Variants in UGT1A10 observed in about 807,000 individuals in gnomAD.
UGT1A10 encodes the protein UDP-glucuronosyltransferase 1A10.
In UGT1A10, 49 loss-of-function variants were observed where a neutral mutation model predicts 45.8. That is an observed-to-expected ratio of 1.07 (90% CI 0.85 to 1.36). UGT1A10 has a LOEUF of 1.36. Among genes scored for constraint, UGT1A10 ranks in the 40% most tolerant of loss-of-function variants. UGT1A10 has a pLI of 0.00. For synonymous variants in UGT1A10, 284 were observed against 249.7 expected, an observed-to-expected ratio of 1.14 and a Z score of -1.29; for missense variants, 745 against 668.6, an observed-to-expected ratio of 1.11 and a Z score of -1.26.
chr2:233,667,219 A>C (rs900491851), intron 1 of UGT1A10, among the ~76,000 whole-genome samples: 11 of 152,180 alleles, frequency 7.2e-5, no homozygotes, highest in South Asian at 2.1e-4. Flanking sequence ...CCTGAGGAAT[A>C]GCCACACTGA....
chr2:233,712,949 A>C, intron 1 of UGT1A10: 1 of 1,612,750 alleles, frequency 6.2e-7, no homozygotes. Flanking sequence ...TCTAGGAGGC[A>C]CAACGTGGGG....
At chr2:233,738,082 A>T (rs1218405907) in intron 1 of UGT1A10, among the ~76,000 whole-genome samples, 1 of 152,110 alleles carries the variant, frequency 6.6e-6, no homozygotes, top group South Asian at 2.1e-4. Context: ...TCCTAATCTC[A>T]TCATAGTGAG....
intron 1 of UGT1A10, chr2:233,742,016 C>T (rs115965783): frequency 0.01 from 1,533 of 152,008 alleles, 58 homozygotes; most frequent in African/African-American, 0.035. Context: ...CTTTCATCAA[C>T]CTAATTTGAT....
chr2:233,743,981 G>T, intron 1 of UGT1A10: 1 of 1,297,886 alleles, frequency 7.7e-7, no homozygotes, highest in Non-Finnish European at 1.0e-6. Flanking sequence ...CAGCACCCAG[G>T]CGCAGGCCCG....
At chr2:233,756,127 T>C (rs1396656487) in intron 1 of UGT1A10, 2 of 152,258 alleles carry the variant, frequency 1.3e-5, no homozygotes, top group African/African-American at 4.8e-5. Context: ...TGTAAAATTC[T>C]CCTGAAAAAT....
In UGT1A10 at chr2:233,672,434, T is replaced by C. The variant is rs151238339; in HGVS notation, c.855+35057T>C. 9.3e-4 allele frequency: 1,499 copies of C among 1,613,976 alleles called. 4 individuals are homozygous for C. The highest frequency in any genetic ancestry group is 1.7e-3 in the Admixed American group (105 of 60,004). ...AAATATTTCTCCCTCCCCTCCGTGG[T>C]CTTCGCCAGGGGAATACTTTGCCAC... is the stretch of plus-strand genomic sequence containing the variant. On this transcript the variant is annotated intron_variant, in intron 1 of 4. Coordinates refer to ENST00000344644, the MANE Select transcript of UGT1A10 (RefSeq NM_019075.4).
intron 1 of UGT1A10, among the ~76,000 whole-genome samples, chr2:233,677,697 T>C (rs906644771): frequency 2.6e-5 from 4 of 151,748 alleles, no homozygotes; most frequent in Non-Finnish European, 4.4e-5. Context: ...GTGAGGCTGC[T>C]GAGAAAAGGG....
intron 1 of UGT1A10, chr2:233,742,993 T>G: frequency 4.3e-6 from 1 of 231,186 alleles, no homozygotes; most frequent in Admixed American, 5.2e-5. Flanking sequence ...AATAGCAAAT[T>G]GCATACAGAT....
Position 233,760,634 on chromosome 2 carries a change from T to TA in UGT1A10, c.856-6394dup, listed in dbSNP as rs748219743. On this transcript the variant is annotated intron_variant, in intron 1 of 4. Coordinates refer to ENST00000344644, the MANE Select transcript of UGT1A10 (RefSeq NM_019075.4). ...CGTGTGATCAAAACATACAAGAAAA[T>TA]AAAAAAGGACTCTGCTATGCTTTTG... 6.2e-6 allele frequency: 10 copies of TA among 1,614,070 alleles called. No homozygotes were observed. In the South Asian group the frequency reaches 8.8e-5, roughly 14 times the overall value.
chr2:233,690,610 G>T, intron 1 of UGT1A10: 1 of 1,289,080 alleles, frequency 7.8e-7, no homozygotes, highest in Non-Finnish European at 1.0e-6. Context: ...ATCGGCCTTT[G>T]CCTGGACACT....
intron 1 of UGT1A10, among the ~76,000 whole-genome samples, chr2:233,701,633 T>G (rs926764680): frequency 3.9e-5 from 6 of 152,216 alleles, no homozygotes; most frequent in Non-Finnish European, 5.9e-5. Context: ...ACAGAAATTA[T>G]AGCAAACTGT....
chr2:233,654,062 C>A (rs186023679), intron 1 of UGT1A10, among the ~76,000 whole-genome samples: 1 of 152,238 alleles, frequency 6.6e-6, no homozygotes, highest in East Asian at 1.9e-4. Flanking sequence ...TTAGAATTCT[C>A]CATAAGTCTA....
At chr2:233,667,875 G>A (rs903359925) in intron 1 of UGT1A10, among the ~76,000 whole-genome samples, 6 of 152,156 alleles carry the variant, frequency 3.9e-5, no homozygotes, top group Non-Finnish European at 5.9e-5. Flanking sequence ...TAAAAAGTCA[G>A]GAAACAACAG....
At chr2:233,682,564 C>A (rs780627101) in intron 1 of UGT1A10, 1 of 1,613,938 alleles carries the variant, frequency 6.2e-7, no homozygotes, top group Admixed American at 1.7e-5. Context: ...GAGTATGGAA[C>A]CACATCATGC....
At chr2:233,740,770 T>C (rs1691472296) in intron 1 of UGT1A10, 2 of 151,812 alleles carry the variant, frequency 1.3e-5, no homozygotes, top group Admixed American at 6.5e-5. Flanking sequence ...CAAACCGTTG[T>C]ATAAAAGATG....
chr2:233,743,816 T>G (rs1350624065), intron 1 of UGT1A10: 1 of 1,367,308 alleles, frequency 7.3e-7, no homozygotes, highest in South Asian at 1.1e-5. Flanking sequence ...CTCAGGGTTT[T>G]TGTCGGGGTG....
chr2:233,706,256 G>A (rs1203609602), intron 1 of UGT1A10, among the ~76,000 whole-genome samples: 2 of 152,248 alleles, frequency 1.3e-5, no homozygotes, highest in African/African-American at 4.8e-5. Context: ...AACCAGGGCA[G>A]CTGGATTGCC....
chr2:233,756,393 A>G (rs1203467562), intron 1 of UGT1A10: 1 of 152,036 alleles, frequency 6.6e-6, no homozygotes, highest in Non-Finnish European at 1.5e-5. Flanking sequence ...GTTTTACAGT[A>G]TTGGTTTTTT....
At chr2:233,717,364 C>T (rs888449503) in intron 1 of UGT1A10, among the ~76,000 whole-genome samples, 1 of 152,218 alleles carries the variant, frequency 6.6e-6, no homozygotes. Flanking sequence ...GGGGAGTTCT[C>T]AAGCCCTTAC....
Sources: gnomAD v4.1 joint callset for allele counts (sites outside exome capture counted in the v4.1 genomes callset) on GRCh38, gnomAD v4.1.1 for gene constraint, MANE v1.5 for transcripts, NCBI Gene and HGNC (gene_info 2026-07-23, HGNC 2026-07-21) for gene names.